KIAA1217: variants seen among roughly 807,000 people sequenced by gnomAD.
The protein encoded by KIAA1217 is sickle tail protein homolog.
KIAA1217 carries 88 observed loss-of-function variants against 163.9 expected under a neutral mutation model. The ratio of observed to expected loss-of-function variants is 0.54; its 90% CI spans 0.45 to 0.64. The LOEUF (loss-of-function observed/expected upper bound fraction) is 0.64. Ranked by LOEUF, KIAA1217 falls within the 30% of genes least tolerant of loss-of-function variation. The probability of loss-of-function intolerance (pLI) is 0.00; values close to 1 mark genes in which losing one functional copy is unlikely to be tolerated. For synonymous variants in KIAA1217, 903 were observed against 923.1 expected, an observed-to-expected ratio of 0.98 and a Z score of 0.39; for missense variants, 2,372 against 2,475.0, an observed-to-expected ratio of 0.96 and a Z score of 0.88.
intron 1 of KIAA1217, among the ~76,000 whole-genome samples, chr10:23,990,737 C>T (rs1409201276): frequency 6.6e-6 from 1 of 152,092 alleles, no homozygotes; most frequent in Non-Finnish European, 1.5e-5. Context: ...ATGTAAGGAA[C>T]TGTGCTTTAA....
At chr10:23,826,344 T>G (rs1414446) in intron 1 of KIAA1217, among the ~76,000 whole-genome samples, 45,094 of 152,110 alleles carry the variant, frequency 0.3, 7,654 homozygotes, top group African/African-American at 0.45. Context: ...TAGCAAATGA[T>G]ACTTTATTGT....
chr10:23,908,506 C>T (rs148264981), intron 1 of KIAA1217, among the ~76,000 whole-genome samples: 2 of 152,028 alleles, frequency 1.3e-5, no homozygotes, highest in African/African-American at 4.8e-5. Flanking sequence ...TGCCCAGATA[C>T]AACCCTCAAC....
Position 23,861,068 on chromosome 10 carries a change from G to A in KIAA1217, c.-320-146157G>A, listed in dbSNP as rs577715998. Among the ~76,000 whole-genome samples, 8 of 151,730 alleles carry A rather than the reference G, an allele frequency of 5.3e-5. No individual in the cohort carries two copies. The South Asian group carries it at 6.3e-4, about 12-fold the overall frequency. On this transcript the variant is annotated intron_variant, in intron 1 of 18. Transcript: ENST00000376462. ...ATTGGAACTACAAGCACACACCACC[G>A]TGACTGGCTAATTTTTGTATTTTTT...
intron 2 of KIAA1217, among the ~76,000 whole-genome samples, chr10:24,148,135 A>AAGGAG (rs1334617589): frequency 5.9e-5 from 9 of 152,094 alleles, no homozygotes; most frequent in Admixed American, 2.6e-4. Context: ...TTTATCCCTA[A>AAGGAG]AGGAGACTTT....
rs1448249401 is a variant in KIAA1217, at chr10:23,819,044, G to A, written c.-321+123810G>A. 2.0e-5 allele frequency among the ~76,000 whole-genome samples: 3 copies of A among 152,090 alleles called. No homozygotes were observed. The East Asian group carries it at 5.8e-4, about 29-fold the overall frequency. On this transcript the variant is annotated intron_variant, in intron 1 of 18. Coordinates refer to the KIAA1217 transcript ENST00000376462. ...ATTATAGTGTTCCATTTTAAAGTGTGGATTATTTGCATGATATTAAAGCAA... is the reference window on the plus strand; with the variant it reads ...ATTATAGTGTTCCATTTTAAAGTGTAGATTATTTGCATGATATTAAAGCAA...
intron 2 of KIAA1217, among the ~76,000 whole-genome samples, chr10:24,141,377 C>A (rs939946667): frequency 6.6e-6 from 1 of 152,062 alleles, no homozygotes; most frequent in Non-Finnish European, 1.5e-5. Flanking sequence ...CTCCATTTTC[C>A]TACCACTTGG....
chr10:23,852,332 C>T (rs934755923), intron 1 of KIAA1217, among the ~76,000 whole-genome samples: 12 of 152,004 alleles, frequency 7.9e-5, no homozygotes, highest in South Asian at 4.2e-4. Flanking sequence ...TGTAGATAAG[C>T]GGCGCTATTT....
intron 1 of KIAA1217, among the ~76,000 whole-genome samples, chr10:23,966,293 AG>A (rs755237182): frequency 1.6e-4 from 24 of 152,304 alleles, no homozygotes; most frequent in South Asian, 6.2e-4. Flanking sequence ...AAAGGCTGTA[AG>A]CATTGTTCGT....
intron 6 of KIAA1217, among the ~76,000 whole-genome samples, chr10:24,476,846 G>T (rs972598426): frequency 3.3e-5 from 5 of 151,008 alleles, no homozygotes; most frequent in Admixed American, 2.0e-4. Context: ...ATACCACATG[G>T]ACACACAAAG....
rs542464975 is a variant in KIAA1217, at chr10:23,807,642, G to T, written c.-321+112408G>T. On this transcript the variant is annotated intron_variant, in intron 1 of 18. Coordinates refer to the KIAA1217 transcript ENST00000376462. The stretch of plus-strand genomic sequence containing the variant: ...TTAGAAGGATAGGATGAATATGGCT[G>T]AGTGAGCTGATGTGAAACAACTTCC... Among the ~76,000 whole-genome samples the T allele has an allele frequency of 2.6e-4, 40 of 152,338 alleles. 1 individual carries two copies. The highest frequency in any genetic ancestry group is 9.6e-4 in the African/African-American group (40 of 41,576).
chr10:23,820,844 TATG>T (rs1277012360), intron 1 of KIAA1217, among the ~76,000 whole-genome samples: 1 of 152,160 alleles, frequency 6.6e-6, no homozygotes, highest in Non-Finnish European at 1.5e-5. Context: ...TGGATAAGAA[TATG>T]ATGCTGGTGG....
intron 3 of KIAA1217, among the ~76,000 whole-genome samples, chr10:24,395,508 C>T (rs1051324012): frequency 6.6e-6 from 1 of 152,140 alleles, no homozygotes; most frequent in Non-Finnish European, 1.5e-5. Flanking sequence ...GTGGACGAGG[C>T]AAAGGACCAG....
chr10:24,356,001 C>G (rs2049059271), intron 2 of KIAA1217, among the ~76,000 whole-genome samples: 1 of 151,904 alleles, frequency 6.6e-6, no homozygotes, highest in South Asian at 2.1e-4. Flanking sequence ...CCCGCCTCGG[C>G]CTCCCAAAGT....
intron 1 of KIAA1217, among the ~76,000 whole-genome samples, chr10:23,936,313 G>A (rs2131324759): frequency 6.6e-6 from 1 of 151,948 alleles, no homozygotes; most frequent in Non-Finnish European, 1.5e-5. Flanking sequence ...TAGAATTGAG[G>A]GTCAAAGAAA....
At chr10:24,321,526 C>T (rs369915388) in intron 2 of KIAA1217, among the ~76,000 whole-genome samples, 60 of 152,042 alleles carry the variant, frequency 3.9e-4, no homozygotes, top group African/African-American at 1.4e-3. Flanking sequence ...GAGAGCAAGG[C>T]TTCATCTCAA....
At chr10:24,448,253 G>GA (rs1043341727) in intron 5 of KIAA1217, among the ~76,000 whole-genome samples, 10 of 151,922 alleles carry the variant, frequency 6.6e-5, no homozygotes, top group South Asian at 4.2e-4. Flanking sequence ...GCGTGGGGGG[G>GA]GCTGGAGTTT....
intron 1 of KIAA1217, among the ~76,000 whole-genome samples, chr10:23,729,255 A>C (rs911008038): frequency 3.3e-5 from 5 of 152,214 alleles, no homozygotes; most frequent in African/African-American, 1.2e-4. Flanking sequence ...GCTGCTATAA[A>C]CATCTGGGTA....
chr10:23,827,574 A>G (rs930155464), intron 1 of KIAA1217, among the ~76,000 whole-genome samples: 3 of 152,214 alleles, frequency 2.0e-5, no homozygotes, highest in Non-Finnish European at 4.4e-5. Context: ...GAGTAGTGGG[A>G]ACAGAGCAGT....
intron 3 of KIAA1217, among the ~76,000 whole-genome samples, chr10:24,382,807 T>G (rs1264924312): frequency 6.6e-6 from 1 of 151,512 alleles, no homozygotes; most frequent in Non-Finnish European, 1.5e-5. Context: ...GGCTGGGGCT[T>G]TCTGTGTGGA....
Sources: allele counts gnomAD v4.1 joint callset (sites outside exome capture counted in the v4.1 genomes callset), GRCh38; gene constraint gnomAD v4.1.1; transcripts MANE v1.5; gene names NCBI Gene and HGNC (gene_info 2026-07-23, HGNC 2026-07-21).